Variants in TCF12 observed in about 807,000 individuals in gnomAD.
TCF12 encodes transcription factor 12.
Under a neutral mutation model 86.0 loss-of-function variants are expected in TCF12, and 45 were observed. The ratio of observed to expected loss-of-function variants is 0.52; its 90% confidence interval spans 0.41 to 0.67. The LOEUF is 0.67. TCF12 is among the 30% of genes least tolerant of loss of function. TCF12 has a pLI of 0.00. For synonymous variants in TCF12, 330 were observed against 299.6 expected (o/e 1.10, Z -1.05); for missense variants, 881 against 859.9 (o/e 1.02, Z -0.31).
rs374179677 is a variant in TCF12, at chr15:57,158,184, G to GTTTTTTTTTTTTTTTTTTT, written c.326-8215_326-8214insTTTTTTTTTTTTTTTTTTT. ...ACAGATGTTAAAGTCTCAGAAAGTC[G>GTTTTTTTTTTTTTTTTTTT]TTTCTTTTTTTTTTTTTTCTTTGAG... On this transcript the variant is annotated intron_variant, in intron 5 of 20. Transcript: ENST00000333725. Among the ~76,000 whole-genome samples the GTTTTTTTTTTTTTTTTTTT allele has an allele frequency of 3.0e-5, 4 of 134,086 alleles. 1 individual carries two copies. Among genetic ancestry groups the GTTTTTTTTTTTTTTTTTTT allele is most frequent in the Non-Finnish European group, 4.8e-5 (3 of 62,334 alleles). 88.0% of individuals were successfully genotyped at this position (134,086 alleles called of 152,430 possible). A position where few individuals can be genotyped will look rare whatever the true frequency, so the allele number is the denominator to read the frequency against.
intron 5 of TCF12, among the ~76,000 whole-genome samples, chr15:57,155,773 C>T (rs2054072311): frequency 6.6e-6 from 1 of 152,138 alleles, no homozygotes; most frequent in Admixed American, 6.6e-5. Flanking sequence ...GATCAAGACC[C>T]TGTCATTCAT....
intron 4 of TCF12, among the ~76,000 whole-genome samples, chr15:57,090,137 G>A (rs1426396053): frequency 6.6e-6 from 1 of 152,100 alleles, no homozygotes; most frequent in East Asian, 1.9e-4. Context: ...AGGATCACTT[G>A]AGCCTGGGAG....
chr15:57,148,389 G>A (rs902145852), intron 5 of TCF12, among the ~76,000 whole-genome samples: 3 of 146,556 alleles, frequency 2.0e-5, no homozygotes, highest in Non-Finnish European at 4.5e-5. Flanking sequence ...CTCCAGCCTG[G>A]GCAGCAGAGG....
chr15:56,951,707 T>C (rs959688030), intron 3 of TCF12, among the ~76,000 whole-genome samples: 1 of 152,208 alleles, frequency 6.6e-6, no homozygotes, highest in Admixed American at 6.5e-5. Context: ...TGGAGTGCAA[T>C]GGCATGATCA....
intron 3 of TCF12, among the ~76,000 whole-genome samples, chr15:57,007,815 TTTC>T (rs1375601777): frequency 7.2e-6 from 1 of 139,748 alleles, no homozygotes; most frequent in African/African-American, 2.6e-5. Flanking sequence ...TCTTTCTTTC[TTTC>T]TTTTTCTTTC....
rs2059902763 is a variant in TCF12 at position 57,247,153 on chromosome 15, C to A, written c.1114+3603C>A. On this transcript the variant is annotated intron_variant, in intron 13 of 20. Transcript: ENST00000333725. ...TTTCCTCCTTCACTCCACCGTCACT[C>A]CACCACCACCACCATATCCTTGGTC... The A allele has an allele frequency of 2.0e-5, 11 of 546,704 alleles. 1 individual carries two copies. The highest frequency in any genetic ancestry group is 3.5e-5 in the Non-Finnish European group (10 of 287,904). The allele number at this position is 546,704 out of a possible 1,614,324, so 33.9% of individuals were successfully genotyped here. A position where few individuals can be genotyped will look rare whatever the true frequency, so the allele number is the denominator to read the frequency against.
chr15:57,094,441 A>G lies in TCF12; in HGVS notation c.325+2550A>G, dbSNP rs974355010. Among the ~76,000 whole-genome samples, 6 of 152,196 alleles carry G rather than the reference A, an allele frequency of 3.9e-5. No individual in the cohort carries two copies. In the East Asian group the frequency reaches 5.8e-4, roughly 15 times the overall value. The stretch of plus-strand genomic sequence containing the variant: ...GGAAATGAATGCCTCTTAAATCACA[A>G]TGCAGTTCTATACAGCAACAGGCAA... On this transcript the variant is annotated intron_variant, in intron 5 of 20. Coordinates refer to ENST00000333725, the MANE Select transcript of TCF12 (RefSeq NM_207037.2).
At chr15:57,062,562 T>G (rs1465823580) in intron 3 of TCF12, among the ~76,000 whole-genome samples, 8 of 152,318 alleles carry the variant, frequency 5.3e-5, no homozygotes, top group African/African-American at 9.6e-5. Context: ...CTTTGGAAAC[T>G]GACCCCTCCC....
chr15:56,946,392 T>G (rs2060998665), intron 3 of TCF12, among the ~76,000 whole-genome samples: 1 of 152,220 alleles, frequency 6.6e-6, no homozygotes, highest in African/African-American at 2.4e-5. Context: ...TCCAATAAAC[T>G]TTTCATTTCA....
At chr15:57,078,864 T>C (rs1420743616) in intron 4 of TCF12, among the ~76,000 whole-genome samples, 1 of 152,198 alleles carries the variant, frequency 6.6e-6, no homozygotes, top group African/African-American at 2.4e-5. Flanking sequence ...ACCATCGTAT[T>C]TGATCACATA....
Position 57,162,853 on chromosome 15 carries a change from C to G in TCF12, c.326-3549C>G, listed in dbSNP as rs113669753. On this transcript the variant is annotated intron_variant, in intron 5 of 20. Transcript: ENST00000333725. ...ACTTTTTTTTTTTAAAGAGTTCTTA[C>G]TAGGACATTTGATTCAAAATACAAT... is the stretch of plus-strand genomic sequence containing the variant. 1.3e-3 allele frequency among the ~76,000 whole-genome samples: 195 copies of G among 151,726 alleles called. 5 individuals carry two copies. Among genetic ancestry groups the G allele is most frequent in the African/African-American group, 4.5e-3 (187 of 41,390 alleles).
chr15:56,939,516 A>G (rs1256311931), intron 3 of TCF12, among the ~76,000 whole-genome samples: 1 of 152,154 alleles, frequency 6.6e-6, no homozygotes, highest in Admixed American at 6.5e-5. Context: ...GAATACTGTC[A>G]TTTGGATTTT....
Position 57,038,885 on chromosome 15 carries a change from A to G in TCF12, c.149-24865A>G, listed in dbSNP as rs544157774. Among the ~76,000 whole-genome samples, 287 of 152,316 alleles carry G rather than the reference A, an allele frequency of 1.9e-3. 1 individual carries two copies. Among genetic ancestry groups the G allele is most frequent in the African/African-American group, 6.6e-3 (276 of 41,582 alleles). ...TGGTTCTTTGGGTATATGCAAATAT[A>G]TGTACATTATTTGTACTGTAGTTAG... On this transcript the variant is annotated intron_variant, in intron 3 of 20. Transcript: ENST00000333725.
At chr15:56,919,812 C>T in intron 1 of TCF12, 80 bp from the exon 2 acceptor site, 1 of 1,304,892 alleles carries the variant, frequency 7.7e-7, no homozygotes, top group Non-Finnish European at 1.1e-6. Context: ...CTTGCGTAAT[C>T]TTCCCCAGTA....
chr15:56,986,971 GT>G (rs2063211011), intron 3 of TCF12, among the ~76,000 whole-genome samples: 2 of 152,136 alleles, frequency 1.3e-5, no homozygotes. Context: ...ATCTTTGGCT[GT>G]TTTTGATAAT....
intron 6 of TCF12, among the ~76,000 whole-genome samples, chr15:57,177,745 A>G (rs1247268970): frequency 6.6e-6 from 1 of 151,814 alleles, no homozygotes; most frequent in Non-Finnish European, 1.5e-5. Context: ...TTTGTGAAAC[A>G]GATCTCGCTC....
At chr15:57,154,478 A>G (rs1484870860) in intron 5 of TCF12, among the ~76,000 whole-genome samples, 1 of 152,208 alleles carries the variant, frequency 6.6e-6, no homozygotes, top group African/African-American at 2.4e-5. Flanking sequence ...TAAAGATTAT[A>G]TTCAAACATA....
intron 5 of TCF12, among the ~76,000 whole-genome samples, chr15:57,148,800 C>T (rs1596827976): frequency 6.6e-6 from 1 of 152,108 alleles, no homozygotes; most frequent in East Asian, 1.9e-4. Context: ...TAGCTTGAGC[C>T]TGGAGGTAGA....
chr15:56,970,788 G>T (rs1261436964), intron 3 of TCF12, among the ~76,000 whole-genome samples: 1 of 152,136 alleles, frequency 6.6e-6, no homozygotes, highest in Non-Finnish European at 1.5e-5. Context: ...GGTGGCTCAT[G>T]CCTGTAATCT....
Sources: allele counts gnomAD v4.1 joint callset (sites outside exome capture counted in the v4.1 genomes callset), GRCh38; gene constraint gnomAD v4.1.1; transcripts MANE v1.5; gene names NCBI Gene and HGNC (gene_info 2026-07-23, HGNC 2026-07-21).